The following KIAA1958 variants were observed in gnomAD, a reference collection of about 807,000 sequenced individuals.
KIAA1958 encodes the protein uncharacterized protein KIAA1958.
Under a neutral mutation model 47.2 loss-of-function variants are expected in KIAA1958, and 14 were observed. That is an observed-to-expected ratio of 0.30 (90% CI 0.20 to 0.46). The LOEUF (loss-of-function observed/expected upper bound fraction) is 0.46, where lower values mean the gene tolerates loss of function less well. KIAA1958 is among the 20% of genes least tolerant of loss of function. KIAA1958 has a pLI of 1.00. For synonymous variants in KIAA1958, 354 were observed against 353.3 expected (o/e 1.00, Z -0.02); for missense variants, 803 against 909.2 (o/e 0.88, Z 1.50).
intron 1 of KIAA1958, among the ~76,000 whole-genome samples, chr9:112,536,043 A>G (rs1277445784): frequency 6.6e-6 from 1 of 152,188 alleles, no homozygotes; most frequent in African/African-American, 2.4e-5. Context: ...TTCCATTCTC[A>G]TCTCCGCTCT....
intron 2 of KIAA1958, among the ~76,000 whole-genome samples, chr9:112,592,774 G>A (rs1372901982): frequency 6.6e-6 from 1 of 152,160 alleles, no homozygotes; most frequent in Non-Finnish European, 1.5e-5. Flanking sequence ...CCCTTTTGGC[G>A]ACAAGTAATT....
At chr9:112,592,874 A>T (rs1835947914) in intron 2 of KIAA1958, among the ~76,000 whole-genome samples, 1 of 152,196 alleles carries the variant, frequency 6.6e-6, no homozygotes, top group Admixed American at 6.5e-5. Flanking sequence ...GGAATGAGGT[A>T]TGTCTATATG....
At chr9:112,605,417 G>A (rs1836213445) in intron 2 of KIAA1958, among the ~76,000 whole-genome samples, 1 of 151,940 alleles carries the variant, frequency 6.6e-6, no homozygotes, top group African/African-American at 2.4e-5. Flanking sequence ...TTGAGGTTAT[G>A]GATCATTTCG....
At position 112,661,294 on chromosome 9, in the gene KIAA1958, C is replaced by A. The variant is rs1319479081; in HGVS notation, c.*1225C>A. 1 of 152,184 alleles carries A rather than the reference C, an allele frequency of 6.6e-6. No homozygotes were observed. The highest frequency in any genetic ancestry group is 1.5e-5 in the Non-Finnish European group (1 of 68,028). 9.4% of individuals were successfully genotyped at this position (152,184 alleles called of 1,614,324 possible). On this transcript the variant is annotated 3_prime_UTR_variant, in exon 4 of 4. Coordinates refer to ENST00000337530, the MANE Select transcript of KIAA1958 (RefSeq NM_133465.4). ...CCATTTCACTCAGGTAAAATGCAAC[C>A]TGACCACATTATTTAAAAATCAGCA...
At chr9:112,520,487 G>A (rs2132794824) in intron 1 of KIAA1958, among the ~76,000 whole-genome samples, 1 of 152,340 alleles carries the variant, frequency 6.6e-6, no homozygotes, top group South Asian at 2.1e-4. Flanking sequence ...AGTAAGAGCT[G>A]TGGTATTCTG....
chr9:112,591,662 A>G (rs893794242), intron 2 of KIAA1958, among the ~76,000 whole-genome samples: 1 of 151,758 alleles, frequency 6.6e-6, no homozygotes, highest in African/African-American at 2.4e-5. Context: ...GGATTCTGAG[A>G]TTGGAGGATC....
At chr9:112,642,340 G>A (rs1266046925) in intron 2 of KIAA1958, among the ~76,000 whole-genome samples, 1 of 152,232 alleles carries the variant, frequency 6.6e-6, no homozygotes, top group African/African-American at 2.4e-5. Flanking sequence ...CTAGGAAGGT[G>A]TTATTTGAGA....
intron 2 of KIAA1958, among the ~76,000 whole-genome samples, chr9:112,630,493 T>A (rs1424430643): frequency 3.3e-5 from 5 of 152,160 alleles, no homozygotes; most frequent in African/African-American, 7.2e-5. Flanking sequence ...AAAAATAATT[T>A]AAAAATTTTT....
intron 2 of KIAA1958, among the ~76,000 whole-genome samples, chr9:112,632,287 A>G (rs1836723381): frequency 6.6e-6 from 1 of 152,104 alleles, no homozygotes; most frequent in Non-Finnish European, 1.5e-5. Context: ...AACTGTTTTC[A>G]TGTTAGCATG....
At chr9:112,577,244 C>T (rs1008767633) in intron 2 of KIAA1958, among the ~76,000 whole-genome samples, 4 of 151,910 alleles carry the variant, frequency 2.6e-5, no homozygotes. Context: ...AATATGAGAT[C>T]CTTATCAGGT....
chr9:112,524,387 CGGT>C lies in KIAA1958; in HGVS notation c.-25+37270_-25+37272del, dbSNP rs1834605379. ...CTTGAAGGGGGTCTAGTTTAGTGAC[CGGT>C]TTCAGTTTATGCTATACCTCGGAAA... On this transcript the variant is annotated intron_variant, in intron 1 of 3. Coordinates refer to ENST00000337530, the MANE Select transcript of KIAA1958 (RefSeq NM_133465.4). 6.6e-5 allele frequency among the ~76,000 whole-genome samples: 10 copies of C among 152,170 alleles called. 1 individual carries two copies. The highest frequency in any genetic ancestry group is 6.5e-4 in the Admixed American group (10 of 15,268).
chr9:112,554,502 A>AATG (rs1835208567), intron 1 of KIAA1958, among the ~76,000 whole-genome samples: 1 of 498 alleles, frequency 2.0e-3, no homozygotes, highest in Non-Finnish European at 4.0e-3. Flanking sequence ...ACTCCATCTC[A>AATG]ATAATAATAA....
intron 1 of KIAA1958, among the ~76,000 whole-genome samples, chr9:112,548,057 G>A (rs1332436114): frequency 1.5e-5 from 2 of 135,780 alleles, no homozygotes; most frequent in East Asian, 2.1e-4. Flanking sequence ...CTCCCAGGCT[G>A]GAGTGGCATC....
intron 1 of KIAA1958, among the ~76,000 whole-genome samples, chr9:112,559,856 A>G (rs1835297643): frequency 6.6e-6 from 1 of 152,200 alleles, no homozygotes; most frequent in Non-Finnish European, 1.5e-5. Context: ...TTGATGAGAA[A>G]ACCACTTTAA....
At chr9:112,545,640 C>T (rs1025398578) in intron 1 of KIAA1958, among the ~76,000 whole-genome samples, 18 of 152,042 alleles carry the variant, frequency 1.2e-4, no homozygotes, top group Middle Eastern at 3.2e-3. Context: ...ACTTAGGATT[C>T]GTGCTATTTG....
At chr9:112,532,107 G>A (rs943677016) in intron 1 of KIAA1958, among the ~76,000 whole-genome samples, 6 of 152,092 alleles carry the variant, frequency 3.9e-5, no homozygotes, top group African/African-American at 1.4e-4. Context: ...ATTTTTTTTA[G>A]CTTCTGGTGG....
intron 1 of KIAA1958, among the ~76,000 whole-genome samples, chr9:112,534,371 A>G (rs764621553): frequency 1.3e-5 from 2 of 152,174 alleles, no homozygotes; most frequent in Non-Finnish European, 2.9e-5. Flanking sequence ...ACGTTTTAGT[A>G]TCATTCTAGT....
At chr9:112,609,370 T>A (rs1233025493) in intron 2 of KIAA1958, among the ~76,000 whole-genome samples, 1 of 152,166 alleles carries the variant, frequency 6.6e-6, no homozygotes, top group Non-Finnish European at 1.5e-5. Flanking sequence ...AATAAAATAC[T>A]AGTATAGTTT....
At chr9:112,650,267 A>G (rs1837035324) in intron 3 of KIAA1958, among the ~76,000 whole-genome samples, 1 of 152,196 alleles carries the variant, frequency 6.6e-6, no homozygotes, top group Admixed American at 6.5e-5. Context: ...GAAGCTCTTC[A>G]GGCAGAAGCA....
Sources: allele counts gnomAD v4.1 joint callset (sites outside exome capture counted in the v4.1 genomes callset), GRCh38; gene constraint gnomAD v4.1.1; transcripts MANE v1.5; gene names NCBI Gene and HGNC (gene_info 2026-07-23, HGNC 2026-07-21).